ITGA7: variants seen among roughly 807,000 people sequenced by gnomAD.
ITGA7 encodes the protein integrin alpha-7.
ITGA7 carries 84 observed loss-of-function variants against 131.6 expected under a neutral mutation model. The ratio of observed to expected loss-of-function variants is 0.64; its 90% CI spans 0.54 to 0.77. ITGA7 has a LOEUF of 0.77. Ranked by LOEUF, ITGA7 falls within the 30% of genes least tolerant of loss-of-function variation. The probability of loss-of-function intolerance (pLI) is 0.00; values close to 1 mark genes in which losing one functional copy is unlikely to be tolerated. For synonymous variants in ITGA7, 548 were observed against 600.7 expected, an observed-to-expected ratio of 0.91 and a Z score of 1.28; for missense variants, 1,399 against 1,482.9, an observed-to-expected ratio of 0.94 and a Z score of 0.93.
rs779166603 is a variant in ITGA7, at chr12:55,700,396, G to A, written c.671-407C>T. ...ACAGAGCTCCACCCTGGCCGTGCCT[G>A]CAAGGACAGACCTGTTAGTGCCCAG... On this transcript the variant is annotated intron_variant, in intron 4 of 24. Coordinates refer to ENST00000257879, the MANE Select transcript of ITGA7 (RefSeq NM_002206.3). 7 of 1,603,812 alleles carry A rather than the reference G, an allele frequency of 4.4e-6. No individual in the cohort carries two copies. The East Asian group carries it at 1.1e-4, about 26-fold the overall frequency.
intron 20 of ITGA7, 41 bp from the exon 21 acceptor site, chr12:55,693,016 C>T: frequency 6.2e-7 from 1 of 1,613,828 alleles, no homozygotes; most frequent in Non-Finnish European, 8.5e-7. Context: ...TCCCTCCAAT[C>T]ACAGCAGTGC....
At position 55,699,982 on chromosome 12, in the gene ITGA7, A is replaced by G; in HGVS notation, c.678T>C (p.Leu226=). ...CTGAGCTATCAATGTTGGTCACAAA[A>G]AGCAACCCTGTGGGGGGTGGGGTGA... The part of the protein sequence containing the change: ...APGTYNWKGL[L]FVTNIDSSDP... Residue 226 remains leucine, a synonymous_variant, in exon 5 of 25, where the codon CTT becomes CTC. Transcript: ENST00000257879. 1 of 1,614,124 alleles carries G rather than the reference A, an allele frequency of 6.2e-7. No individual in the cohort carries two copies. Among genetic ancestry groups the G allele is most frequent in the Non-Finnish European group, 8.5e-7 (1 of 1,180,020 alleles).
At chr12:55,703,000 C>A (rs745482979) in intron 2 of ITGA7, 49 bp from the exon 3 acceptor site, 21 of 1,613,624 alleles carry the variant, frequency 1.3e-5, no homozygotes, top group Non-Finnish European at 1.8e-5. Flanking sequence ...AGCCCAAGTC[C>A]TCTCCTCCCC....
chr12:55,707,767 G>T lies in ITGA7; in HGVS notation c.-85C>A, dbSNP rs1266638274. On this transcript the variant is annotated 5_prime_UTR_variant, in exon 1 of 25. Transcript: ENST00000257879. ...CCAGGTCCCCCCAGGCGCGTCTCTGGTCTCCAAAGTCTCGTTGGTCTTTCA... is the reference window on the plus strand; with the variant it reads ...CCAGGTCCCCCCAGGCGCGTCTCTGTTCTCCAAAGTCTCGTTGGTCTTTCA... The T allele has an allele frequency of 1.3e-6, 2 of 1,539,838 alleles. No homozygotes were observed. Among genetic ancestry groups the T allele is most frequent in the Non-Finnish European group, 1.8e-6 (2 of 1,141,706 alleles).
Position 55,707,797 on chromosome 12 carries a change from T to G in ITGA7, c.-115A>C. 6.6e-7 allele frequency: 1 copy of G among 1,507,394 alleles called. No homozygotes were observed. The highest frequency in any genetic ancestry group is 8.9e-7 in the Non-Finnish European group (1 of 1,128,024). 93.4% of individuals were successfully genotyped at this position (1,507,394 alleles called of 1,614,324 possible). On this transcript the variant is annotated 5_prime_UTR_variant, in exon 1 of 25. Coordinates refer to ENST00000257879, the MANE Select transcript of ITGA7 (RefSeq NM_002206.3). ...CAAAGTCTCGTTGGTCTTTCAGACG[T>G]CTCCCAGACGTTCGCCCCGCCAGCC...
At position 55,684,842 on chromosome 12, in the gene ITGA7, C is replaced by T; in HGVS notation, c.*216G>A. The T allele has an allele frequency of 1.7e-6, 1 of 585,120 alleles. No homozygotes were observed. Among genetic ancestry groups the T allele is most frequent in the Non-Finnish European group, 3.0e-6 (1 of 329,072 alleles). The allele number at this position is 585,120 out of a possible 1,614,324, so 36.2% of individuals were successfully genotyped here. A position where few individuals can be genotyped will look rare whatever the true frequency, so the allele number is the denominator to read the frequency against. ...TGCCCTTCTCACCCTACCCCATGGC[C>T]CTGTCCCTGATTTACCCACTCTCAT... On this transcript the variant is annotated 3_prime_UTR_variant, in exon 25 of 25. Transcript: ENST00000257879.
upstream of ITGA7, among the ~76,000 whole-genome samples, chr12:55,709,871 A>G (rs919806301): frequency 2.6e-5 from 4 of 152,118 alleles, no homozygotes; most frequent in African/African-American, 9.7e-5. Flanking sequence ...CCACAGGAGG[A>G]AAGATCAGGA....
chr12:55,696,798 A>T (rs1258278002), intron 12 of ITGA7, 101 bp downstream of exon 12: 27 of 1,354,188 alleles, frequency 2.0e-5, no homozygotes, highest in Non-Finnish European at 2.6e-5. Context: ...AGGTCTTAGA[A>T]GGAGGCACGA....
intron 21 of ITGA7, among the ~76,000 whole-genome samples, chr12:55,690,921 A>G (rs960117016): frequency 6.6e-6 from 1 of 151,854 alleles, no homozygotes; most frequent in Non-Finnish European, 1.5e-5. Flanking sequence ...TTGAACAATG[A>G]GAACACATGG....
chr12:55,686,197 G>A, intron 24 of ITGA7: 1 of 1,341,340 alleles, frequency 7.5e-7, no homozygotes, highest in Non-Finnish European at 9.9e-7. Flanking sequence ...ACACACAACA[G>A]TTACCCCACA....
At chr12:55,704,287 T>C (rs1392559906) in intron 1 of ITGA7, among the ~76,000 whole-genome samples, 1 of 152,226 alleles carries the variant, frequency 6.6e-6, no homozygotes, top group African/African-American at 2.4e-5. Flanking sequence ...GTGCCAGCTC[T>C]GATGGGGTGG....
At chr12:55,710,176 C>A (rs1875951013), upstream of ITGA7, among the ~76,000 whole-genome samples, 1 of 152,088 alleles carries the variant, frequency 6.6e-6, no homozygotes, top group Admixed American at 6.6e-5. Flanking sequence ...GCCGGACCAA[C>A]ACGGTGAAAC....
chr12:55,699,913 C>G lies in ITGA7; in HGVS notation c.747G>C (p.Arg249=). ...CCAAGTCTCCGGCTGGTCCTGGGAG[C>G]CGGTCAGCAGGGTCCAAAGTTTTAT... The part of the protein sequence containing the change: ...LVYKTLDPAD[R]LPGPAGDLAL... The change falls in exon 5 of 25, where the codon CGG becomes CGC. Residue 249 remains arginine, a synonymous_variant. Transcript: ENST00000257879. 1.9e-6 allele frequency: 3 copies of G among 1,613,370 alleles called. No individual in the cohort carries two copies. The highest frequency in any genetic ancestry group is 2.5e-6 in the Non-Finnish European group (3 of 1,179,780).
chr12:55,701,345 T>C, intron 3 of ITGA7, 191 bp from the exon 4 acceptor site: 1 of 1,556,082 alleles, frequency 6.4e-7, no homozygotes, highest in Non-Finnish European at 8.7e-7. Flanking sequence ...GTTACACAGG[T>C]CCATGCATAA....
At position 55,697,239 on chromosome 12, in the gene ITGA7, G is replaced by A; in HGVS notation, c.1544C>T (p.Pro515Leu). The A allele has an allele frequency of 1.3e-6, 2 of 1,599,042 alleles. No individual in the cohort carries two copies. Among genetic ancestry groups the A allele is most frequent in the Non-Finnish European group, 1.7e-6 (2 of 1,172,992 alleles). The change falls in exon 11 of 25, where the codon CCC becomes CTC. Residue 515 changes from proline (P) to leucine (L), a missense_variant. Physicochemically the swap from Pro to Leu is moderately conservative, Grantham distance 98. Coordinates refer to ENST00000257879, the MANE Select transcript of ITGA7 (RefSeq NM_002206.3). ...ACCCACAGTAGGGCTATAGCTGCTG[G>A]GGACTGCAATGTAGCTGAAACAGAC... ...LRVCFSYIAV[P>L]SSYSPTVALD...
intron 1 of ITGA7, among the ~76,000 whole-genome samples, chr12:55,704,079 G>A (rs1048422731): frequency 6.6e-6 from 1 of 152,240 alleles, no homozygotes; most frequent in African/African-American, 2.4e-5. Flanking sequence ...AAGCCAGAGT[G>A]AAGGCGGGGG....
rs556683406 is a variant in ITGA7, at chr12:55,687,970, C to T, written c.3183+1G>A. 4.3e-6 allele frequency: 7 copies of T among 1,614,184 alleles called. No individual in the cohort carries two copies. The highest frequency in any genetic ancestry group is 1.1e-5 in the South Asian group (1 of 91,084). ...CCATCAGCCCCACCTCCAAGCCTCA[C>T]CTTCCACAGGAGCAGCACCAGCAGT... On this transcript the variant is annotated splice_donor_variant, in intron 24 of 24. Transcript: ENST00000257879. LOFTEE classifies it high-confidence loss of function.
upstream of ITGA7, chr12:55,716,271 A>C (rs907884029): frequency 4.5e-6 from 7 of 1,544,598 alleles, no homozygotes; most frequent in Admixed American, 2.1e-5. Context: ...GATCTCGAGT[A>C]ACTAACCATA....
At position 55,701,141 on chromosome 12, in the gene ITGA7, C is replaced by T. The variant is rs537937026; in HGVS notation, c.428G>A (p.Arg143Gln). Reference sequence around the variant, plus strand: ...GTCCACTCGCTGCCTTGCCTCATATCGGTGTGCACAGGTCTGGGGGAGGAA... The same window carrying T: ...GTCCACTCGCTGCCTTGCCTCATATTGGTGTGCACAGGTCTGGGGGAGGAA... ...PGGKIVTCAH[R>Q]YEARQRVDQI... Residue 143 changes from arginine to glutamine, a missense_variant, in exon 4 of 25, where the codon CGA becomes CAA. By Grantham distance (43) the Arg-to-Gln change is conservative. Coordinates refer to ENST00000257879, the MANE Select transcript of ITGA7 (RefSeq NM_002206.3). 19 of 1,614,226 alleles carry T rather than the reference C, an allele frequency of 1.2e-5. No individual in the cohort carries two copies. Among genetic ancestry groups the T allele is most frequent in the Middle Eastern group, 1.6e-4 (1 of 6,062 alleles).
Sources: gnomAD v4.1 joint callset for allele counts (sites outside exome capture counted in the v4.1 genomes callset) on GRCh38, gnomAD v4.1.1 for gene constraint, MANE v1.5 for transcripts, NCBI Gene and HGNC (gene_info 2026-07-23, HGNC 2026-07-21) for gene names.